BRI3BP: variants seen among roughly 807,000 people sequenced by gnomAD.
BRI3BP encodes BRI3-binding protein.
A neutral mutation model predicts 15.8 loss-of-function variants in BRI3BP; 7 were observed. The ratio of observed to expected loss-of-function variants is 0.44; its 90% CI spans 0.25 to 0.83. The LOEUF (loss-of-function observed/expected upper bound fraction) is 0.83, where lower values mean the gene tolerates loss of function less well. Among genes scored for constraint, BRI3BP ranks in the 40% least tolerant of loss-of-function variants. BRI3BP has a pLI of 0.20. For synonymous variants in BRI3BP, 192 were observed against 163.5 expected (o/e 1.17, Z -1.33); for missense variants, 320 against 339.3 (o/e 0.94, Z 0.45).
chr12:125,042,119 A>C, the BRI3BP span, among the ~76,000 whole-genome samples: 5 of 152,198 alleles, frequency 3.3e-5, no homozygotes, highest in African/African-American at 1.2e-4. Context: ...TCCCTTATTG[A>C]GGGACATTAA....
chr12:125,022,541 A>ATTTATTTATTTATTTTTTTTTTTTT, intron 2 of BRI3BP, among the ~76,000 whole-genome samples: 5 of 139,434 alleles, frequency 3.6e-5, no homozygotes, highest in African/African-American at 1.4e-4. Flanking sequence ...TTATTTATTT[A>ATTTATTTATTTATTTTTTTTTTTTT]TTTTTTGAGA....
chr12:125,034,428 C>G (rs1373837278), downstream of BRI3BP, among the ~76,000 whole-genome samples: 2 of 152,186 alleles, frequency 1.3e-5, no homozygotes, highest in African/African-American at 4.8e-5. Context: ...TTGAATGTAA[C>G]TTGGATAACG....
Position 125,025,244 on chromosome 12 carries a change from C to T in BRI3BP, c.570C>T (p.Phe190=). The part of the protein sequence containing the change: ...EPENAVLPLC[F]VVAVYFMTGP... ...AGAACGCGGTGCTGCCGCTGTGCTTCGTGGTGGCCGTCTACTTCATGACCG... is the reference window on the plus strand; with the variant it reads ...AGAACGCGGTGCTGCCGCTGTGCTTTGTGGTGGCCGTCTACTTCATGACCG... The change falls in exon 3 of 3, where the codon TTC becomes TTT. Residue 190 remains phenylalanine (F), a synonymous_variant. Coordinates refer to ENST00000341446, the MANE Select transcript of BRI3BP (RefSeq NM_080626.6). 1 of 1,614,112 alleles carries T rather than the reference C, an allele frequency of 6.2e-7. No individual in the cohort carries two copies. The highest frequency in any genetic ancestry group is 8.5e-7 in the Non-Finnish European group (1 of 1,180,026).
At chr12:125,000,010 G>A (rs1249767657) in intron 1 of BRI3BP, among the ~76,000 whole-genome samples, 2 of 89,582 alleles carry the variant, frequency 2.2e-5, no homozygotes, top group African/African-American at 8.8e-5. Context: ...CTGCCTTTTG[G>A]TTTTTCTTTT....
chr12:125,004,923 G>A (rs552041930), intron 1 of BRI3BP, among the ~76,000 whole-genome samples: 95 of 152,234 alleles, frequency 6.2e-4, no homozygotes, highest in African/African-American at 2.2e-3. Flanking sequence ...TCTGCTCACT[G>A]CAACCTCTGC....
the BRI3BP span, among the ~76,000 whole-genome samples, chr12:125,041,865 TAAC>T: frequency 1.7e-4 from 26 of 152,190 alleles, no homozygotes; most frequent in Non-Finnish European, 3.2e-4. Context: ...GCTAATGTTT[TAAC>T]TTTTTTGTAG....
At chr12:125,015,452 G>A (rs1955234344) in intron 2 of BRI3BP, among the ~76,000 whole-genome samples, 1 of 152,084 alleles carries the variant, frequency 6.6e-6, no homozygotes, top group South Asian at 2.1e-4. Flanking sequence ...AGGGAGTGTG[G>A]CCCCACCAAG....
downstream of BRI3BP, among the ~76,000 whole-genome samples, chr12:125,031,574 A>ATTTTTTTTTTTTTTTTT (rs367625363): frequency 2.4e-5 from 2 of 84,244 alleles, no homozygotes; most frequent in African/African-American, 1.0e-4. Flanking sequence ...TTTTCTTTCT[A>ATTTTTTTTTTTTTTTTT]TTTTTTTTTT....
At chr12:125,017,374 C>T (rs1338463246) in intron 2 of BRI3BP, among the ~76,000 whole-genome samples, 1 of 151,684 alleles carries the variant, frequency 6.6e-6, no homozygotes, top group Non-Finnish European at 1.5e-5. Context: ...AGGGTGGTCT[C>T]GAACTCCTGA....
rs1300549456 is a variant in BRI3BP, at chr12:125,016,836, T to A, written c.316+4200T>A. 3.5e-5 allele frequency among the ~76,000 whole-genome samples: 4 copies of A among 115,902 alleles called. No homozygotes were observed. In the East Asian group the frequency reaches 1.0e-3, roughly 30 times the overall value. The allele number at this position is 115,902 out of a possible 152,430, so 76.0% of individuals were successfully genotyped here. The stretch of plus-strand genomic sequence containing the variant: ...CCACTGCGCCCAGCCTTTTTTTTTT[T>A]TTTTTTTTTTTTTTTTGAGACAGAG... On this transcript the variant is annotated intron_variant, in intron 2 of 2. Transcript: ENST00000341446.
chr12:124,994,014 G>T lies in BRI3BP; in HGVS notation c.213+11G>T. The T allele has an allele frequency of 7.6e-7, 1 of 1,323,768 alleles. No homozygotes were observed. 82.0% of individuals were successfully genotyped at this position (1,323,768 alleles called of 1,614,324 possible). ...CGCGCCGCTCAGAAGGTGGGCGCCGGGCCCGCGCCCGCGGTCACCTTGCCC... is the reference window on the plus strand; with the variant it reads ...CGCGCCGCTCAGAAGGTGGGCGCCGTGCCCGCGCCCGCGGTCACCTTGCCC... On this transcript the variant is annotated intron_variant, in intron 1 of 2. Coordinates refer to ENST00000341446, the MANE Select transcript of BRI3BP (RefSeq NM_080626.6).
At chr12:125,006,904 A>G (rs895876610) in intron 1 of BRI3BP, among the ~76,000 whole-genome samples, 1 of 152,144 alleles carries the variant, frequency 6.6e-6, no homozygotes, top group Non-Finnish European at 1.5e-5. Flanking sequence ...AATTATAGAA[A>G]TTGCTATATA....
chr12:125,003,959 ACAC>A (rs1955119350), intron 1 of BRI3BP, among the ~76,000 whole-genome samples: 4 of 8,150 alleles, frequency 4.9e-4, no homozygotes, highest in Admixed American at 1.7e-3. Context: ...TCTCAAAAAC[ACAC>A]ACACACACAC....
chr12:125,006,812 C>G (rs1405725116), intron 1 of BRI3BP, among the ~76,000 whole-genome samples: 1 of 152,166 alleles, frequency 6.6e-6, no homozygotes, highest in Non-Finnish European at 1.5e-5. Flanking sequence ...TTCCACGCAC[C>G]CTTTCCTGGG....
In BRI3BP at chr12:124,993,765, G is replaced by A; in HGVS notation, c.-26G>A. ...CAGCGCACGGCCCTCACCCCGCATCGCGACCCCGCGCCCCGCCGGCCGAGC... is the reference window on the plus strand; with the variant it reads ...CAGCGCACGGCCCTCACCCCGCATCACGACCCCGCGCCCCGCCGGCCGAGC... On this transcript the variant is annotated 5_prime_UTR_variant, in exon 1 of 3. Coordinates refer to ENST00000341446, the MANE Select transcript of BRI3BP (RefSeq NM_080626.6). 1.4e-5 allele frequency: 14 copies of A among 1,002,010 alleles called. No homozygotes were observed. The highest frequency in any genetic ancestry group is 1.7e-5 in the Non-Finnish European group (14 of 842,988). The allele number at this position is 1,002,010 out of a possible 1,614,324, so 62.1% of individuals were successfully genotyped here.
the BRI3BP span, among the ~76,000 whole-genome samples, chr12:125,046,022 A>G: frequency 6.6e-6 from 1 of 151,788 alleles, no homozygotes; most frequent in African/African-American, 2.4e-5. Context: ...AAAATTAGCC[A>G]GGCGTGGTGG....
At chr12:124,996,738 T>TA (rs1444459568) in intron 1 of BRI3BP, among the ~76,000 whole-genome samples, 1 of 148,410 alleles carries the variant, frequency 6.7e-6, no homozygotes, top group African/African-American at 2.5e-5. Flanking sequence ...TAATGGTATT[T>TA]AAAAAAACAC....
chr12:124,999,813 G>C (rs367963514), intron 1 of BRI3BP, among the ~76,000 whole-genome samples: 5 of 26,180 alleles, frequency 1.9e-4, no homozygotes, highest in African/African-American at 7.0e-4. Context: ...GTAGAGACGG[G>C]GTTTCACTGT....
At chr12:125,049,046 C>T in the BRI3BP span, among the ~76,000 whole-genome samples, 2 of 152,154 alleles carry the variant, frequency 1.3e-5, no homozygotes, top group South Asian at 2.1e-4. Context: ...GCAACATCCA[C>T]CTCCCGGGTT....
Sources: allele counts gnomAD v4.1 joint callset (sites outside exome capture counted in the v4.1 genomes callset), GRCh38; gene constraint gnomAD v4.1.1; transcripts MANE v1.5; gene names NCBI Gene and HGNC (gene_info 2026-07-23, HGNC 2026-07-21).